The following LRRC37A variants were observed in gnomAD, a reference collection of about 807,000 sequenced individuals.
LRRC37A encodes the protein leucine rich repeat containing 37A, also known as leucine-rich repeat-containing protein 37A.
LRRC37A carries 3 observed loss-of-function variants against 35.4 expected under a neutral mutation model. The observed-to-expected ratio is 0.08, with a 90% CI of 0.04 to 0.22. LRRC37A has a LOEUF of 0.22. LRRC37A is among the 10% of genes least tolerant of loss of function. The pLI is 1.00. For synonymous variants in LRRC37A, 23 were observed against 215.0 expected, an observed-to-expected ratio of 0.11 and a Z score of 7.81; for missense variants, 67 against 565.3, an observed-to-expected ratio of 0.12 and a Z score of 8.94.
chr17:46,270,619 A>G, the LRRC37A span, among the ~76,000 whole-genome samples: 9 of 152,258 alleles, frequency 5.9e-5, no homozygotes, highest in African/African-American at 2.2e-4. Context: ...TTAAATGTCA[A>G]AAGGCTAGGC....
At chr17:46,276,553 T>G in the LRRC37A span, among the ~76,000 whole-genome samples, 1 of 152,210 alleles carries the variant, frequency 6.6e-6, no homozygotes, top group African/African-American at 2.4e-5. Flanking sequence ...GTATAAATGA[T>G]GAATTATAAC....
chr17:46,268,173 C>T, the LRRC37A span, among the ~76,000 whole-genome samples: 1 of 152,208 alleles, frequency 6.6e-6, no homozygotes, highest in Non-Finnish European at 1.5e-5. Flanking sequence ...CCCTTCCCCA[C>T]ACCCCGTGCT....
At chr17:46,274,777 CTTTT>C in the LRRC37A span, 1 of 150,188 alleles carries the variant, frequency 6.7e-6, no homozygotes, top group African/African-American at 2.4e-5. Flanking sequence ...TTCTTGCTTT[CTTTT>C]TCTTTTTTTT....
chr17:46,249,650 G>A, the LRRC37A span, among the ~76,000 whole-genome samples: 1 of 152,156 alleles, frequency 6.6e-6, no homozygotes. Flanking sequence ...ATACAGGGGA[G>A]GGGGCGCCCA....
chr17:46,264,433 G>C, the LRRC37A span, among the ~76,000 whole-genome samples: 1 of 152,222 alleles, frequency 6.6e-6, no homozygotes, highest in Non-Finnish European at 1.5e-5. Context: ...ATTAGGCTGT[G>C]AGAAACCAAT....
chr17:46,280,165 A>G, the LRRC37A span, among the ~76,000 whole-genome samples: 2 of 151,912 alleles, frequency 1.3e-5, no homozygotes, highest in African/African-American at 4.8e-5. Flanking sequence ...TTGCCTTGAG[A>G]CCAGCTTGGC....
At chr17:46,264,046 G>T in the LRRC37A span, among the ~76,000 whole-genome samples, 1 of 151,292 alleles carries the variant, frequency 6.6e-6, no homozygotes, top group Non-Finnish European at 1.5e-5. Flanking sequence ...ATAATGAACC[G>T]ACAAAATAAT....
At chr17:46,267,464 A>G in the LRRC37A span, 16 of 1,611,694 alleles carry the variant, frequency 9.9e-6, no homozygotes, top group Non-Finnish European at 1.4e-5. Context: ...CCGAGTCCAC[A>G]TGTTAGTCCT....
At chr17:46,271,332 A>ATTTTTTTTTTTTT in the LRRC37A span, among the ~76,000 whole-genome samples, 30 of 125,624 alleles carry the variant, frequency 2.4e-4, no homozygotes, top group East Asian at 5.3e-4. Context: ...TACCTAGCTA[A>ATTTTTTTTTTTTT]TTTTTTTTTT....
At chr17:46,283,235 T>C in the LRRC37A span, among the ~76,000 whole-genome samples, 4 of 152,258 alleles carry the variant, frequency 2.6e-5, no homozygotes, top group African/African-American at 9.6e-5. Flanking sequence ...AAAAGTATTC[T>C]AAGATATTAA....
chr17:46,268,816 A>G, the LRRC37A span: 2 of 719,574 alleles, frequency 2.8e-6, no homozygotes, highest in Non-Finnish European at 4.0e-6. Context: ...AATGACCTGC[A>G]TAGTTACAAC....
At chr17:46,271,718 T>G in the LRRC37A span, among the ~76,000 whole-genome samples, 1 of 152,248 alleles carries the variant, frequency 6.6e-6, no homozygotes, top group East Asian at 1.9e-4. Flanking sequence ...CTAGGCCATT[T>G]GGAATATAAA....
the LRRC37A span, among the ~76,000 whole-genome samples, chr17:46,281,587 G>C: frequency 1.7e-4 from 26 of 152,290 alleles, 1 homozygote; most frequent in African/African-American, 6.3e-4. Flanking sequence ...ACGCCACTAT[G>C]CCTGGTTAAT....
the LRRC37A span, among the ~76,000 whole-genome samples, chr17:46,255,866 G>C: frequency 6.6e-6 from 1 of 151,668 alleles, no homozygotes; most frequent in African/African-American, 2.4e-5. Flanking sequence ...TAGTGGACAC[G>C]GGGTTTCACC....
At chr17:46,277,648 T>A in the LRRC37A span, among the ~76,000 whole-genome samples, 1 of 151,334 alleles carries the variant, frequency 6.6e-6, no homozygotes, top group Non-Finnish European at 1.5e-5. Context: ...TTTCTTTCTT[T>A]CTTTCTTTTT....
the LRRC37A span, among the ~76,000 whole-genome samples, chr17:46,282,581 A>ATT: frequency 2.0e-4 from 27 of 136,240 alleles, no homozygotes; most frequent in Non-Finnish European, 3.0e-4. Flanking sequence ...AGCCTGGTTA[A>ATT]TTTTTTTTTT....
At chr17:46,260,731 C>A in the LRRC37A span, 1 of 773,728 alleles carries the variant, frequency 1.3e-6, no homozygotes, top group Non-Finnish European at 2.0e-6. Context: ...TCAAGCGATT[C>A]TCCTGCCTCA....
At chr17:46,269,680 A>G in the LRRC37A span, among the ~76,000 whole-genome samples, 2 of 152,246 alleles carry the variant, frequency 1.3e-5, no homozygotes, top group East Asian at 3.8e-4. Context: ...GCTCCTAATA[A>G]TGTATGTTTT....
chr17:46,250,823 GTCT>G, the LRRC37A span, among the ~76,000 whole-genome samples: 14 of 152,320 alleles, frequency 9.2e-5, no homozygotes, highest in Middle Eastern at 3.4e-3. Flanking sequence ...GAGCCCCAGA[GTCT>G]TCTTCTTCTC....
Sources: gnomAD v4.1 joint callset for allele counts (sites outside exome capture counted in the v4.1 genomes callset) on GRCh38, gnomAD v4.1.1 for gene constraint, MANE v1.5 for transcripts, NCBI Gene and HGNC (gene_info 2026-07-23, HGNC 2026-07-21) for gene names.